Variants in ROBO1 observed in about 807,000 individuals in gnomAD.
ROBO1 encodes the protein roundabout homolog 1.
In ROBO1, 149 loss-of-function variants were observed where a neutral mutation model predicts 195.9. The observed-to-expected ratio is 0.76, with a 90% CI of 0.67 to 0.87. The LOEUF is 0.87. Among genes scored for constraint, ROBO1 ranks in the 40% least tolerant of loss-of-function variants. ROBO1 has a pLI of 0.00. For missense variants in ROBO1, 1,933 were observed against 2,068.3 expected (o/e 0.93, Z 1.27); for synonymous variants, 816 against 733.2 (o/e 1.11, Z -1.82).
At position 78,798,945 on chromosome 3, in the gene ROBO1, AG is replaced by A. The variant is rs761271931; in HGVS notation, c.500-52046del. On this transcript the variant is annotated intron_variant, in intron 4 of 30. Transcript: ENST00000464233. The stretch of plus-strand genomic sequence containing the variant: ...GAGACATTTAGCTTTCCAGAAAGAT[AG>A]AAAAATTACAAAACAAAGCATGCAG... 4.5e-4 allele frequency among the ~76,000 whole-genome samples: 68 copies of A among 152,218 alleles called. 3 individuals are homozygous for A. Among genetic ancestry groups the A allele is most frequent in the Admixed American group, 3.8e-3 (58 of 15,282 alleles).
At chr3:79,405,301 G>A (rs773814979) in intron 2 of ROBO1, among the ~76,000 whole-genome samples, 46 of 152,194 alleles carry the variant, frequency 3.0e-4, no homozygotes, top group Admixed American at 1.2e-3. Context: ...TACCCCGACT[G>A]CCACTGGTGC....
chr3:79,655,558 T>C (rs1193381606), intron 1 of ROBO1, among the ~76,000 whole-genome samples: 3 of 152,046 alleles, frequency 2.0e-5, no homozygotes, highest in African/African-American at 7.2e-5. Flanking sequence ...GCAAGATGTG[T>C]CAGGAACCTC....
intron 4 of ROBO1, among the ~76,000 whole-genome samples, chr3:78,880,713 C>A (rs2107251401): frequency 6.6e-6 from 1 of 152,134 alleles, no homozygotes; most frequent in Admixed American, 6.5e-5. Context: ...GCTTTTTTTT[C>A]TATTTCAGTT....
At chr3:78,990,744 A>T (rs2077218407) in intron 3 of ROBO1, among the ~76,000 whole-genome samples, 1 of 152,026 alleles carries the variant, frequency 6.6e-6, no homozygotes, top group Non-Finnish European at 1.5e-5. Context: ...TACATAAACT[A>T]AAAAAAACTA....
chr3:78,945,463 C>A (rs2040379252), intron 3 of ROBO1, among the ~76,000 whole-genome samples: 1 of 152,156 alleles, frequency 6.6e-6, no homozygotes, highest in Admixed American at 6.5e-5. Flanking sequence ...AGGGTCCTGT[C>A]TGTTAGAAAG....
intron 2 of ROBO1, among the ~76,000 whole-genome samples, chr3:79,576,281 T>C (rs1343467532): frequency 6.6e-6 from 1 of 152,056 alleles, no homozygotes; most frequent in Non-Finnish European, 1.5e-5. Context: ...GGAGCAATTC[T>C]CCTTTCCAAA....
chr3:78,731,834 C>T (rs1040054524), intron 5 of ROBO1, among the ~76,000 whole-genome samples: 22 of 151,956 alleles, frequency 1.4e-4, no homozygotes, highest in African/African-American at 3.6e-4. Context: ...GTGTGTAAAC[C>T]GCTTTTGACA....
intron 4 of ROBO1, among the ~76,000 whole-genome samples, chr3:78,842,339 A>ATATTTAGATG: frequency 3.2e-5 from 1 of 30,928 alleles, no homozygotes; most frequent in African/African-American, 9.7e-5. Context: ...ATTTTTATAT[A>ATATTTAGATG]TATGAGCCAT....
chr3:79,601,031 T>C (rs562441534), intron 1 of ROBO1, among the ~76,000 whole-genome samples: 14 of 151,906 alleles, frequency 9.2e-5, no homozygotes, highest in Admixed American at 2.0e-4. Context: ...TCTATTAATA[T>C]AATGTATAAA....
intron 2 of ROBO1, among the ~76,000 whole-genome samples, chr3:79,316,793 A>T (rs1165447113): frequency 6.6e-6 from 1 of 152,112 alleles, no homozygotes; most frequent in Admixed American, 6.6e-5. Context: ...TCTTTGCAAG[A>T]TTATGCCACT....
chr3:78,842,137 TTG>T (rs1438839096), intron 4 of ROBO1, among the ~76,000 whole-genome samples: 1 of 124,828 alleles, frequency 8.0e-6, no homozygotes, highest in African/African-American at 2.7e-5. Flanking sequence ...AATCGCCAAT[TTG>T]TTTTTTTTTT....
At chr3:79,443,598 T>C (rs556881804) in intron 2 of ROBO1, among the ~76,000 whole-genome samples, 2 of 152,122 alleles carry the variant, frequency 1.3e-5, no homozygotes, top group Non-Finnish European at 2.9e-5. Flanking sequence ...CAACAAATAT[T>C]ACAATGATAT....
At chr3:79,103,589 A>AAAGCAAAT (rs2079718769) in intron 3 of ROBO1, among the ~76,000 whole-genome samples, 1 of 151,744 alleles carries the variant, frequency 6.6e-6, no homozygotes, top group African/African-American at 2.4e-5. Flanking sequence ...CATCTAACAA[A>AAAGCAAAT]AAGCAAATAG....
At chr3:78,903,600 T>C (rs534920369) in intron 4 of ROBO1, among the ~76,000 whole-genome samples, 10 of 151,828 alleles carry the variant, frequency 6.6e-5, no homozygotes, top group South Asian at 4.2e-4. Flanking sequence ...CTCCTGATAT[T>C]AGAATTCAGC....
At chr3:79,307,858 A>G (rs910438231) in intron 2 of ROBO1, among the ~76,000 whole-genome samples, 1 of 152,150 alleles carries the variant, frequency 6.6e-6, no homozygotes, top group South Asian at 2.1e-4. Context: ...CACAGTGACA[A>G]CAACAAAACA....
intron 2 of ROBO1, among the ~76,000 whole-genome samples, chr3:79,162,954 A>AT (rs1445316155): frequency 6.6e-6 from 1 of 152,100 alleles, no homozygotes; most frequent in Admixed American, 6.6e-5. Flanking sequence ...CTTTTAAAGC[A>AT]TTTTTGTCTC....
chr3:78,637,609 T>C (rs893494881), intron 22 of ROBO1, among the ~76,000 whole-genome samples: 2 of 152,198 alleles, frequency 1.3e-5, no homozygotes, highest in Non-Finnish European at 2.9e-5. Context: ...GGCTACCATA[T>C]TGGACAACAC....
chr3:79,699,214 G>T (rs975437779), intron 1 of ROBO1, among the ~76,000 whole-genome samples: 1 of 151,228 alleles, frequency 6.6e-6, no homozygotes, highest in East Asian at 1.9e-4. Flanking sequence ...TGAAAAGTTT[G>T]ATTAGAATTG....
intron 2 of ROBO1, 24 bp downstream of exon 2, chr3:79,589,800 A>T: frequency 3.2e-6 from 5 of 1,577,038 alleles, no homozygotes; most frequent in Non-Finnish European, 4.4e-6. Flanking sequence ...TTAAGTATTG[A>T]TGAAACAAAT....
Sources: allele counts gnomAD v4.1 joint callset (sites outside exome capture counted in the v4.1 genomes callset), GRCh38; gene constraint gnomAD v4.1.1; transcripts MANE v1.5; gene names NCBI Gene and HGNC (gene_info 2026-07-23, HGNC 2026-07-21).